Variants in SNTG1 observed in about 807,000 individuals in gnomAD.
SNTG1 encodes syntrophin gamma 1, also known as gamma-1-syntrophin.
A neutral mutation model predicts 74.7 loss-of-function variants in SNTG1; 39 were observed. The observed-to-expected ratio is 0.52, with a 90% CI of 0.40 to 0.68. The LOEUF (loss-of-function observed/expected upper bound fraction) is 0.68, where lower values mean the gene tolerates loss of function less well. Among genes scored for constraint, SNTG1 ranks in the 30% least tolerant of loss-of-function variants. The pLI is 0.00. For synonymous variants in SNTG1, 254 were observed against 217.1 expected, an observed-to-expected ratio of 1.17 and a Z score of -1.49; for missense variants, 685 against 609.5, an observed-to-expected ratio of 1.12 and a Z score of -1.30.
intron 2 of SNTG1, among the ~76,000 whole-genome samples, chr8:50,208,810 G>C (rs567644680): frequency 6.6e-6 from 1 of 152,250 alleles, no homozygotes; most frequent in East Asian, 1.9e-4. Context: ...AACAGCTCCA[G>C]TCTGCAGTTC....
chr8:50,629,487 C>G (rs2094980982), intron 13 of SNTG1, among the ~76,000 whole-genome samples: 1 of 151,778 alleles, frequency 6.6e-6, no homozygotes, highest in African/African-American at 2.4e-5. Flanking sequence ...ACTATGTAAT[C>G]TAACAAATCC....
intron 2 of SNTG1, among the ~76,000 whole-genome samples, chr8:50,383,234 C>T (rs531612901): frequency 1.4e-4 from 21 of 152,232 alleles, no homozygotes; most frequent in Non-Finnish European, 2.2e-4. Context: ...ATCCTTCTAA[C>T]GAATATGATA....
rs549043643 is a variant in SNTG1, at chr8:50,211,271, A to T, written c.-28+38636A>T. ...TATATTAAAAGGTCTGCTTAACTTA[A>T]TGAAAATTATTTTTAATATCTTAAA... On this transcript the variant is annotated intron_variant, in intron 2 of 18. Coordinates refer to ENST00000642720, the MANE Select transcript of SNTG1 (RefSeq NM_018967.5). Among the ~76,000 whole-genome samples, 172 of 152,252 alleles carry T rather than the reference A, an allele frequency of 1.1e-3. 7 individuals carry two copies. In the South Asian group the frequency reaches 0.033, roughly 29 times the overall value.
chr8:50,630,349 T>G (rs1442055646), intron 13 of SNTG1, among the ~76,000 whole-genome samples: 2 of 152,178 alleles, frequency 1.3e-5, no homozygotes, highest in East Asian at 3.8e-4. Flanking sequence ...TCATATGCCT[T>G]GAGCTCTTAA....
chr8:50,728,218 T>A (rs2095504743), intron 17 of SNTG1, among the ~76,000 whole-genome samples: 1 of 152,134 alleles, frequency 6.6e-6, no homozygotes, highest in South Asian at 2.1e-4. Flanking sequence ...CTTCTCATAG[T>A]ATATCTCCTA....
intron 1 of SNTG1, among the ~76,000 whole-genome samples, chr8:50,053,623 TTGTGTGTG>T (rs60947505): frequency 5.2e-5 from 7 of 134,426 alleles, no homozygotes; most frequent in South Asian, 2.4e-4. Context: ...ATATATATAA[TTGTGTGTG>T]TGTGTGTGTG....
intron 1 of SNTG1, among the ~76,000 whole-genome samples, chr8:50,053,657 G>A (rs147984387): frequency 0.13 from 19,426 of 148,798 alleles, 1,601 homozygotes; most frequent in Middle Eastern, 0.22. Context: ...GTGTGTGTGT[G>A]TATAATCCAG....
chr8:50,001,247 C>T (rs1585841011), intron 1 of SNTG1, among the ~76,000 whole-genome samples: 1 of 152,162 alleles, frequency 6.6e-6, no homozygotes, highest in East Asian at 1.9e-4. Flanking sequence ...TTAATTGGTG[C>T]TTATTGAAGT....
intron 17 of SNTG1, among the ~76,000 whole-genome samples, chr8:50,726,147 T>C (rs1390106276): frequency 2.0e-5 from 3 of 152,202 alleles, no homozygotes; most frequent in African/African-American, 7.2e-5. Flanking sequence ...ATTAACATGT[T>C]ATTAACCAGG....
At chr8:49,921,902 A>G (rs1034548631) in intron 1 of SNTG1, among the ~76,000 whole-genome samples, 2 of 152,198 alleles carry the variant, frequency 1.3e-5, no homozygotes, top group Non-Finnish European at 2.9e-5. Flanking sequence ...CACTTGGAAC[A>G]TGTAAGGTAG....
At chr8:50,489,684 A>T (rs1190316424) in intron 8 of SNTG1, among the ~76,000 whole-genome samples, 1 of 152,192 alleles carries the variant, frequency 6.6e-6, no homozygotes, top group Non-Finnish European at 1.5e-5. Flanking sequence ...GCCCTTTGCC[A>T]TATGGATAGA....
intron 1 of SNTG1, among the ~76,000 whole-genome samples, chr8:49,932,539 T>C (rs537879889): frequency 2.6e-5 from 4 of 152,058 alleles, no homozygotes; most frequent in East Asian, 3.9e-4. Context: ...CTAGTCATTA[T>C]GTCTTTAAAA....
chr8:49,972,526 T>C (rs1215357493), intron 1 of SNTG1, among the ~76,000 whole-genome samples: 1 of 152,060 alleles, frequency 6.6e-6, no homozygotes, highest in African/African-American at 2.4e-5. Context: ...GGGATCTAAT[T>C]AAACTAAAGA....
chr8:50,688,219 T>A lies in SNTG1; in HGVS notation c.1039-16381T>A, dbSNP rs558077540. On this transcript the variant is annotated intron_variant, in intron 15 of 18. Transcript: ENST00000642720. ...CATTCTCTAGGTTGCCTGTTCACTC[T>A]GATGGTAGTTTCTTTTGCTGTGCAG... Among the ~76,000 whole-genome samples, 178 of 152,330 alleles carry A rather than the reference T, an allele frequency of 1.2e-3. 1 individual carries two copies. Among genetic ancestry groups the A allele is most frequent in the South Asian group, 6.8e-3 (33 of 4,826 alleles).
Position 50,762,796 on chromosome 8 carries a change from C to T in SNTG1, c.1395+10685C>T, listed in dbSNP as rs879086596. The stretch of plus-strand genomic sequence containing the variant: ...TCTTCTTGCCTTTCTCAACATCACC[C>T]ATATTTAATTCTCTTTTAAGTCTCT... On this transcript the variant is annotated intron_variant, in intron 18 of 18. Transcript: ENST00000642720. The T allele has an allele frequency of 2.9e-4, 133 of 456,608 alleles. 3 individuals carry two copies. The highest frequency in any genetic ancestry group is 2.0e-3 in the South Asian group (130 of 63,648). The allele number at this position is 456,608 out of a possible 1,614,324, so 28.3% of individuals were successfully genotyped here. A position where few individuals can be genotyped will look rare whatever the true frequency, so the allele number is the denominator to read the frequency against.
chr8:50,062,369 A>G (rs192323671), intron 1 of SNTG1, among the ~76,000 whole-genome samples: 1 of 152,136 alleles, frequency 6.6e-6, no homozygotes, highest in Non-Finnish European at 1.5e-5. Context: ...TTCTAACTCC[A>G]ATTATGGATT....
rs1241392848 is a variant in SNTG1 at position 50,795,314 on chromosome 8, G to A, written c.*2485G>A. 4 of 151,918 alleles carry A rather than the reference G, an allele frequency of 2.6e-5. No individual in the cohort carries two copies. Among genetic ancestry groups the A allele is most frequent in the Non-Finnish European group, 1.5e-5 (1 of 67,920 alleles). The allele number at this position is 151,918 out of a possible 1,614,324, so 9.4% of individuals were successfully genotyped here. A position where few individuals can be genotyped will look rare whatever the true frequency, so the allele number is the denominator to read the frequency against. ...CTCGTTTTCATCAGTTTAACAATTA[G>A]TATTTAATGTTTTCTTTACAATGTG... is the stretch of plus-strand genomic sequence containing the variant. On this transcript the variant is annotated 3_prime_UTR_variant, in exon 19 of 19. Coordinates refer to ENST00000642720, the MANE Select transcript of SNTG1 (RefSeq NM_018967.5).
At chr8:50,698,099 GA>G (rs2095411314) in intron 15 of SNTG1, among the ~76,000 whole-genome samples, 1 of 151,914 alleles carries the variant, frequency 6.6e-6, no homozygotes, top group Non-Finnish European at 1.5e-5. Flanking sequence ...GTAGTTGGGA[GA>G]TTTTTTTATT....
chr8:50,520,326 A>G (rs944402133), intron 9 of SNTG1, among the ~76,000 whole-genome samples: 2 of 152,222 alleles, frequency 1.3e-5, no homozygotes, highest in African/African-American at 4.8e-5. Context: ...AAGATCTAAA[A>G]CCATAAAAAC....
Sources: allele counts gnomAD v4.1 joint callset (sites outside exome capture counted in the v4.1 genomes callset), GRCh38; gene constraint gnomAD v4.1.1; transcripts MANE v1.5; gene names NCBI Gene and HGNC (gene_info 2026-07-23, HGNC 2026-07-21).